The following KIAA0586 variants were observed in gnomAD, a reference collection of about 807,000 sequenced individuals.
The protein encoded by KIAA0586 is KIAA0586.
Under a neutral mutation model 169.8 loss-of-function variants are expected in KIAA0586, and 144 were observed. The ratio of observed to expected loss-of-function variants is 0.85; its 90% CI spans 0.74 to 0.97. The LOEUF (loss-of-function observed/expected upper bound fraction) is 0.97. Among genes scored for constraint, KIAA0586 ranks in the 50% least tolerant of loss-of-function variants. The pLI, the probability that KIAA0586 is intolerant of heterozygous loss-of-function variation, is 0.00. For synonymous variants in KIAA0586, 625 were observed against 612.4 expected (o/e 1.02, Z -0.30); for missense variants, 1,854 against 1,823.0 (o/e 1.02, Z -0.31).
chr14:58,492,584 C>G (rs2141241984), intron 26 of KIAA0586, among the ~76,000 whole-genome samples: 1 of 152,290 alleles, frequency 6.6e-6, no homozygotes, highest in South Asian at 2.1e-4. Context: ...ATAAGTAAGA[C>G]ATGACCCCTA....
At chr14:58,518,707 A>C (rs1227621670) in intron 29 of KIAA0586, among the ~76,000 whole-genome samples, 1 of 152,204 alleles carries the variant, frequency 6.6e-6, no homozygotes, top group African/African-American at 2.4e-5. Context: ...ATGCCTACAA[A>C]TTACTTATTC....
At chr14:58,432,611 C>G (rs908120747) in intron 4 of KIAA0586, among the ~76,000 whole-genome samples, 154 bp downstream of exon 4, 12 of 152,104 alleles carry the variant, frequency 7.9e-5, no homozygotes, top group Admixed American at 3.3e-4. Flanking sequence ...GTATAAAATA[C>G]TCAGTAGCAG....
chr14:58,450,859 C>A, intron 8 of KIAA0586, 113 bp downstream of exon 8: 1 of 614,194 alleles, frequency 1.6e-6, no homozygotes, highest in Non-Finnish European at 2.8e-6. Context: ...CTTTAAATGA[C>A]CCTTGCTGGG....
In KIAA0586 at chr14:58,434,111, A is replaced by G. The variant is rs77168223; in HGVS notation, c.410+1654A>G. ...TAAAAGAAAACATAAACACAGTAGA[A>G]TGTTTTCAACTAGTTCTAGAAGTAC... On this transcript the variant is annotated intron_variant, in intron 4 of 30. Coordinates refer to ENST00000652326, the MANE Select transcript of KIAA0586 (RefSeq NM_001329943.3). 9.7e-3 allele frequency among the ~76,000 whole-genome samples: 1,470 copies of G among 152,322 alleles called. 23 individuals carry two copies. Among genetic ancestry groups the G allele is most frequent in the African/African-American group, 0.034 (1,395 of 41,576 alleles).
At chr14:58,535,699 AT>A (rs3041108) in intron 29 of KIAA0586, among the ~76,000 whole-genome samples, 4,704 of 141,168 alleles carry the variant, frequency 0.033, 63 homozygotes, top group Admixed American at 0.049. Context: ...AATTTATTGG[AT>A]TTTTTTTTTT....
intron 29 of KIAA0586, among the ~76,000 whole-genome samples, chr14:58,525,443 G>C (rs985302576): frequency 6.6e-6 from 1 of 151,962 alleles, no homozygotes; most frequent in Non-Finnish European, 1.5e-5. Context: ...TGCCTCACCC[G>C]TGAAGTGCAA....
At chr14:58,488,133 T>A (rs1434662038) in intron 23 of KIAA0586, 24 bp downstream of exon 23, 1 of 1,482,302 alleles carries the variant, frequency 6.7e-7, no homozygotes, top group Non-Finnish European at 9.3e-7. Flanking sequence ...TACTCACTAG[T>A]AACTGTACAT....
At chr14:58,552,024 G>T (rs1252473190), downstream of KIAA0586, among the ~76,000 whole-genome samples, 1 of 152,126 alleles carries the variant, frequency 6.6e-6, no homozygotes, top group Non-Finnish European at 1.5e-5. Flanking sequence ...GGGAGGCTGG[G>T]CAGTCACCTC....
intron 14 of KIAA0586, among the ~76,000 whole-genome samples, chr14:58,463,067 T>C (rs2040459392): frequency 6.6e-6 from 1 of 152,168 alleles, no homozygotes; most frequent in Non-Finnish European, 1.5e-5. Context: ...ATGCTTATCC[T>C]AGGGCCTCAG....
At chr14:58,432,308 A>C (rs2037443103) in intron 3 of KIAA0586, 80 bp from the exon 4 acceptor site, 22 of 869,454 alleles carry the variant, frequency 2.5e-5, no homozygotes, top group Non-Finnish European at 3.5e-5. Context: ...TTTTAGTTAA[A>C]AAAGATTTTT....
chr14:58,547,690 C>T (rs1433622471), intron 30 of KIAA0586, 91 bp from the exon 31 acceptor site: 2 of 1,075,676 alleles, frequency 1.9e-6, no homozygotes, highest in African/African-American at 3.2e-5. Flanking sequence ...CCGCGCCCCC[C>T]CACCCCAACC....
At position 58,537,080 on chromosome 14, in the gene KIAA0586, T is replaced by C. The variant is rs924896453; in HGVS notation, c.4430-2991T>C. 4.8e-6 allele frequency: 6 copies of C among 1,244,082 alleles called. No individual in the cohort carries two copies. In the Admixed American group the frequency reaches 1.6e-4, roughly 32 times the overall value. 77.1% of individuals were successfully genotyped at this position (1,244,082 alleles called of 1,614,324 possible). A position where few individuals can be genotyped will look rare whatever the true frequency, so the allele number is the denominator to read the frequency against. On this transcript the variant is annotated intron_variant, in intron 29 of 30. Coordinates refer to ENST00000652326, the MANE Select transcript of KIAA0586 (RefSeq NM_001329943.3). ...CAGTTTTCAAGTTGTGTTGACCTAG[T>C]TGTAGGCCGTGTTTGCTGTTTTAAT... is the stretch of plus-strand genomic sequence containing the variant.
intron 27 of KIAA0586, among the ~76,000 whole-genome samples, chr14:58,506,063 A>G (rs1162987933): frequency 6.6e-6 from 1 of 152,040 alleles, no homozygotes; most frequent in Non-Finnish European, 1.5e-5. Context: ...TTTTGTTTTC[A>G]TTAAAGTCTC....
intron 25 of KIAA0586, 36 bp from the exon 26 acceptor site, chr14:58,492,108 A>G (rs1212650196): frequency 6.9e-7 from 1 of 1,440,372 alleles, no homozygotes; most frequent in African/African-American, 1.4e-5. Flanking sequence ...GTTCGAAATA[A>G]TTTATTTTTA....
chr14:58,428,328 C>T lies in KIAA0586; in HGVS notation c.64C>T (p.Arg22Cys), dbSNP rs202124602. ...KKIKMPVKRL[R>C]EVVSQNHGDH... ...GATTAAGATGCCAGTGAAGAGACTTCGTGAGGTAGTTTCTCAAAATCATGG... is the reference window on the plus strand; with the variant it reads ...GATTAAGATGCCAGTGAAGAGACTTTGTGAGGTAGTTTCTCAAAATCATGG... Residue 22 changes from arginine to cysteine, a missense_variant, in exon 1 of 31, where the codon CGT becomes TGT. Transcript: ENST00000652326. The T allele has an allele frequency of 3.1e-4, 498 of 1,613,882 alleles. No individual in the cohort carries two copies. The highest frequency in any genetic ancestry group is 6.5e-4 in the Admixed American group (39 of 60,000).
chr14:58,450,806 G>C, intron 8 of KIAA0586, 60 bp downstream of exon 8: 2 of 1,047,580 alleles, frequency 1.9e-6, no homozygotes, highest in South Asian at 3.0e-5. Flanking sequence ...GATTTTCTGT[G>C]CCTAGTAGTA....
intron 21 of KIAA0586, among the ~76,000 whole-genome samples, chr14:58,484,661 T>C (rs547575253): frequency 1.3e-5 from 2 of 151,082 alleles, no homozygotes; most frequent in East Asian, 3.9e-4. Context: ...TTATATGCTA[T>C]ATGTTTATGC....
chr14:58,444,247 T>C (rs1269251479), intron 6 of KIAA0586, 72 bp downstream of exon 6: 4 of 922,576 alleles, frequency 4.3e-6, no homozygotes, highest in Non-Finnish European at 6.8e-6. Flanking sequence ...TATTCATTGA[T>C]AATTACAGTA....
intron 1 of KIAA0586, 113 bp from the exon 2 acceptor site, chr14:58,429,250 T>C (rs2037155611): frequency 3.2e-6 from 2 of 626,860 alleles, no homozygotes; most frequent in Admixed American, 5.5e-5. Context: ...GCAAATTGTC[T>C]TTCCAACTTC....
Sources: gnomAD v4.1 joint callset for allele counts (sites outside exome capture counted in the v4.1 genomes callset) on GRCh38, gnomAD v4.1.1 for gene constraint, MANE v1.5 for transcripts, NCBI Gene and HGNC (gene_info 2026-07-23, HGNC 2026-07-21) for gene names.